LIMCH1: variants seen among roughly 807,000 people sequenced by gnomAD.
LIMCH1 encodes LIM and calponin homology domains-containing protein 1.
A neutral mutation model predicts 176.5 loss-of-function variants in LIMCH1; 113 were observed. That is an observed-to-expected ratio of 0.64 (90% CI 0.55 to 0.75). The LOEUF (loss-of-function observed/expected upper bound fraction) is 0.75, where lower values mean the gene tolerates loss of function less well. LIMCH1 is among the 30% of genes least tolerant of loss of function. The pLI is 0.00. For missense variants in LIMCH1, 1,674 were observed against 1,814.9 expected, an observed-to-expected ratio of 0.92 and a Z score of 1.41; for synonymous variants, 619 against 645.9, an observed-to-expected ratio of 0.96 and a Z score of 0.63.
chr4:41,639,027 G>C, intron 14 of LIMCH1, 60 bp downstream of exon 14: 2 of 1,255,570 alleles, frequency 1.6e-6, no homozygotes, highest in South Asian at 2.9e-5. Flanking sequence ...CATGCTTCCA[G>C]TACTTACCAC....
At chr4:41,525,236 GCA>G (rs1490907114) in intron 3 of LIMCH1, among the ~76,000 whole-genome samples, 1 of 152,112 alleles carries the variant, frequency 6.6e-6, no homozygotes, top group Non-Finnish European at 1.5e-5. Flanking sequence ...GTGTGTGCGT[GCA>G]CACGCGCGCG....
intron 3 of LIMCH1, among the ~76,000 whole-genome samples, chr4:41,530,921 C>T (rs1380471708): frequency 6.9e-6 from 1 of 144,974 alleles, no homozygotes; most frequent in Non-Finnish European, 1.5e-5. Context: ...TATCACATTC[C>T]TACCCTGCCC....
chr4:41,364,396 A>G lies in LIMCH1; in HGVS notation c.96+3460A>G, dbSNP rs186439818. Among the ~76,000 whole-genome samples, 176 of 152,212 alleles carry G rather than the reference A, an allele frequency of 1.2e-3. 1 individual carries two copies. The highest frequency in any genetic ancestry group is 2.2e-3 in the Admixed American group (33 of 15,288). The stretch of plus-strand genomic sequence containing the variant: ...GCTATTGTTTTTTTCTGTTGTTAAT[A>G]ACAACTAAGGTTGATTTTGAAAGAA... On this transcript the variant is annotated intron_variant, in intron 1 of 26. Coordinates refer to the LIMCH1 transcript ENST00000313860.
chr4:41,622,800 A>C (rs1440770054), intron 7 of LIMCH1, among the ~76,000 whole-genome samples: 1 of 152,162 alleles, frequency 6.6e-6, no homozygotes, highest in African/African-American at 2.4e-5. Context: ...AACCTATTTC[A>C]TCCAAGTTAG....
intron 2 of LIMCH1, among the ~76,000 whole-genome samples, chr4:41,514,494 CTT>C (rs1678040143): frequency 6.6e-6 from 1 of 152,130 alleles, no homozygotes. Flanking sequence ...TATGAAGAGA[CTT>C]TGTATGCTCA....
intron 1 of LIMCH1, among the ~76,000 whole-genome samples, chr4:41,547,799 TA>T (rs1389017439): frequency 7.0e-6 from 1 of 142,618 alleles, no homozygotes; most frequent in Non-Finnish European, 1.5e-5. Context: ...ATATTATAAA[TA>T]AATACAATAT....
chr4:41,529,161 A>G (rs2076992014), intron 3 of LIMCH1, among the ~76,000 whole-genome samples: 1 of 152,194 alleles, frequency 6.6e-6, no homozygotes, highest in African/African-American at 2.4e-5. Context: ...GTATTGTACT[A>G]TCGAGCCACA....
At chr4:41,687,123 A>G (rs1426255046) in intron 28 of LIMCH1, among the ~76,000 whole-genome samples, 1 of 152,010 alleles carries the variant, frequency 6.6e-6, no homozygotes, top group Non-Finnish European at 1.5e-5. Flanking sequence ...CTGTGCTGGT[A>G]TTTTTCTTTC....
At chr4:41,689,433 C>CT (rs1723598536) in intron 29 of LIMCH1, 94 bp from the exon 30 acceptor site, 2 of 664,394 alleles carry the variant, frequency 3.0e-6, no homozygotes, top group Non-Finnish European at 5.5e-6. Flanking sequence ...CTTAAAAATC[C>CT]ATATTTTCAT....
intron 31 of LIMCH1, among the ~76,000 whole-genome samples, chr4:41,696,312 G>A (rs367932740): frequency 2.0e-5 from 3 of 152,176 alleles, no homozygotes; most frequent in Non-Finnish European, 2.9e-5. Context: ...TGTACATGGT[G>A]TTCTGTTCCA....
intron 1 of LIMCH1, among the ~76,000 whole-genome samples, chr4:41,373,088 C>T (rs528800617): frequency 7.9e-5 from 12 of 152,216 alleles, no homozygotes; most frequent in South Asian, 6.2e-4. Flanking sequence ...CAGAATCACG[C>T]GTGTGATGCA....
chr4:41,583,294 C>T (rs1162924779), intron 1 of LIMCH1, among the ~76,000 whole-genome samples: 1 of 152,160 alleles, frequency 6.6e-6, no homozygotes. Flanking sequence ...CCTCTGCAGT[C>T]ACACTGGTGG....
intron 1 of LIMCH1, among the ~76,000 whole-genome samples, chr4:41,405,286 A>G (rs747877558): frequency 2.2e-4 from 33 of 152,266 alleles, no homozygotes; most frequent in Non-Finnish European, 4.1e-4. Flanking sequence ...TTTATCTGTA[A>G]TACACAGGTA....
chr4:41,418,251 A>G (rs962922462), intron 1 of LIMCH1, among the ~76,000 whole-genome samples: 1 of 152,206 alleles, frequency 6.6e-6, no homozygotes, highest in Non-Finnish European at 1.5e-5. Context: ...AAGGGAACAA[A>G]TTCTCTGACT....
chr4:41,403,606 T>A (rs1028572480), intron 1 of LIMCH1, among the ~76,000 whole-genome samples: 2 of 152,116 alleles, frequency 1.3e-5, no homozygotes, highest in Non-Finnish European at 2.9e-5. Context: ...TAAAATAAAA[T>A]TAAGAGACCC....
chr4:41,398,454 C>A (rs2058045035), intron 1 of LIMCH1, among the ~76,000 whole-genome samples: 3 of 152,048 alleles, frequency 2.0e-5, no homozygotes, highest in African/African-American at 7.2e-5. Flanking sequence ...TTTAAAGCAA[C>A]ATATTTGGTA....
At chr4:41,540,858 C>T (rs1405415925) in intron 1 of LIMCH1, among the ~76,000 whole-genome samples, 7 of 152,324 alleles carry the variant, frequency 4.6e-5, no homozygotes, top group Admixed American at 1.3e-4. Flanking sequence ...CCCTGATGGA[C>T]GCTGCAGTTG....
At chr4:41,652,282 T>C (rs1447733449) in intron 18 of LIMCH1, among the ~76,000 whole-genome samples, 1 of 152,180 alleles carries the variant, frequency 6.6e-6, no homozygotes, top group African/African-American at 2.4e-5. Flanking sequence ...AAGATATAAT[T>C]CTTCCACGCA....
At chr4:41,655,343 TACTGTCAG>T (rs2094433911) in intron 18 of LIMCH1, among the ~76,000 whole-genome samples, 1 of 152,216 alleles carries the variant, frequency 6.6e-6, no homozygotes, top group Admixed American at 6.5e-5. Flanking sequence ...GCACTTAGCA[TACTGTCAG>T]GGTGACTCAG....
Sources: allele counts gnomAD v4.1 joint callset (sites outside exome capture counted in the v4.1 genomes callset), GRCh38; gene constraint gnomAD v4.1.1; transcripts MANE v1.5; gene names NCBI Gene and HGNC (gene_info 2026-07-23, HGNC 2026-07-21).